Variants in TOP1 observed in about 807,000 individuals in gnomAD.
TOP1 encodes the protein DNA topoisomerase I, also known as DNA topoisomerase 1.
A neutral mutation model predicts 111.1 loss-of-function variants in TOP1; 10 were observed. That is an observed-to-expected ratio of 0.09 (90% CI 0.06 to 0.15). The LOEUF is 0.15. Among genes scored for constraint, TOP1 ranks in the 10% least tolerant of loss-of-function variants. The pLI is 1.00. For missense variants in TOP1, 474 were observed against 926.7 expected, an observed-to-expected ratio of 0.51 and a Z score of 6.34; for synonymous variants, 271 against 302.9, an observed-to-expected ratio of 0.89 and a Z score of 1.10.
intron 9 of TOP1, among the ~76,000 whole-genome samples, chr20:41,093,061 T>A (rs900070393): frequency 6.6e-6 from 1 of 152,230 alleles, no homozygotes; most frequent in Non-Finnish European, 1.5e-5. Context: ...GGTAGGCATC[T>A]GTCACCTATT....
At chr20:41,031,698 T>G (rs184115882) in intron 2 of TOP1, among the ~76,000 whole-genome samples, 31 of 152,366 alleles carry the variant, frequency 2.0e-4, no homozygotes, top group Non-Finnish European at 3.5e-4. Flanking sequence ...AACTGAGGCT[T>G]CAGTGTATTT....
rs2033937081 is a variant in TOP1 at position 41,092,909 on chromosome 20, A to C, written c.730+322A>C. 6.6e-6 allele frequency among the ~76,000 whole-genome samples: 1 copy of C among 151,794 alleles called. No individual in the cohort carries two copies. The highest frequency in any genetic ancestry group is 1.5e-5 in the Non-Finnish European group (1 of 68,036). ...TTTCTAGGGAGCAACTCTTCGCAAG[A>C]GTTATTAGAAAAGCCTCACTTGAAT... is the stretch of plus-strand genomic sequence containing the variant. On this transcript the variant is annotated intron_variant, in intron 9 of 20. Transcript: ENST00000361337. The surrounding 1 kb of genome is among the most constrained non-coding windows in gnomAD (Gnocchi z 4.3).
chr20:41,104,564 A>G (rs1484826741), intron 13 of TOP1, among the ~76,000 whole-genome samples: 3 of 152,222 alleles, frequency 2.0e-5, no homozygotes, highest in African/African-American at 7.2e-5. Flanking sequence ...TTTATTCCAG[A>G]CAATATCCAG....
intron 2 of TOP1, among the ~76,000 whole-genome samples, chr20:41,056,055 T>C (rs889811728): frequency 1.1e-4 from 17 of 152,234 alleles, no homozygotes; most frequent in Non-Finnish European, 1.5e-4. Context: ...CTTTTGCCAG[T>C]TGAATTTTGT....
chr20:41,089,020 C>CTTTTTTTTTTTTTTTTTTTTTTTT lies in TOP1; in HGVS notation c.615-3430_615-3429insTTTTTTTTTTTTTTTTTTTTTTTT, dbSNP rs59200685. ...TCCCCACTTCTCTGTTGCCCCAGTTCTTTTTTTTTTTTTTTTTTTTTTGAG... is the reference window on the plus strand; with the variant it reads ...TCCCCACTTCTCTGTTGCCCCAGTTCTTTTTTTTTTTTTTTTTTTTTTTTTTTTTTTTTTTTTTTTTTTTTTGAG... On this transcript the variant is annotated intron_variant, in intron 8 of 20. Transcript: ENST00000361337. Among the ~76,000 whole-genome samples the CTTTTTTTTTTTTTTTTTTTTTTTT allele has an allele frequency of 8.1e-4, 63 of 77,894 alleles. 17 individuals are homozygous for CTTTTTTTTTTTTTTTTTTTTTTTT. The highest frequency in any genetic ancestry group is 4.4e-3 in the East Asian group (7 of 1,606). 51.1% of individuals were successfully genotyped at this position (77,894 alleles called of 152,430 possible).
At chr20:41,064,952 T>C (rs557735232) in intron 3 of TOP1, among the ~76,000 whole-genome samples, 1 of 152,172 alleles carries the variant, frequency 6.6e-6, no homozygotes, top group East Asian at 1.9e-4. Flanking sequence ...TTGCCCAGGC[T>C]GGAGTGCAGT....
chr20:41,118,042 A>T lies in TOP1; in HGVS notation c.1823-127A>T. ...GACCTTAGTCCTTGGGGGCAATTTGAATTAATCATCTGAGTAAGATAAGAG... is the reference window on the plus strand; with the variant it reads ...GACCTTAGTCCTTGGGGGCAATTTGTATTAATCATCTGAGTAAGATAAGAG... On this transcript the variant is annotated intron_variant, in intron 17 of 20. Coordinates refer to ENST00000361337, the MANE Select transcript of TOP1 (RefSeq NM_003286.4). This position sits in a 1 kb window ranked among gnomAD's most constrained non-coding sequence, Gnocchi z 4.6. The T allele has an allele frequency of 9.4e-7, 1 of 1,065,200 alleles. No individual in the cohort carries two copies. Among genetic ancestry groups the T allele is most frequent in the East Asian group, 2.6e-5 (1 of 38,598 alleles). The allele number at this position is 1,065,200 out of a possible 1,614,324, so 66.0% of individuals were successfully genotyped here.
Position 41,076,255 on chromosome 20 carries a change from A to G in TOP1, c.240A>G (p.Lys80=), listed in dbSNP as rs953420719. 1.2e-6 allele frequency: 2 copies of G among 1,606,278 alleles called. No homozygotes were observed. Among genetic ancestry groups the G allele is most frequent in the Non-Finnish European group, 1.7e-6 (2 of 1,173,480 alleles). ...GAAGCTCAGAAAAGCATAAAGACAA[A>G]CATAAAGACAGAGACAAGGAAAAAC... is the stretch of plus-strand genomic sequence containing the variant. ...KDGSSEKHKD[K]HKDRDKEKRK... Residue 80 remains lysine (K), a synonymous_variant, in exon 4 of 21, where the codon AAA becomes AAG. Coordinates refer to ENST00000361337, the MANE Select transcript of TOP1 (RefSeq NM_003286.4).
At chr20:41,037,281 ATAACT>A (rs1257011775) in intron 2 of TOP1, among the ~76,000 whole-genome samples, 1 of 152,236 alleles carries the variant, frequency 6.6e-6, no homozygotes, top group African/African-American at 2.4e-5. Flanking sequence ...TCTATTAAAA[ATAACT>A]TGACCCTTTT....
intron 13 of TOP1, among the ~76,000 whole-genome samples, chr20:41,108,650 A>T (rs1291329755): frequency 6.6e-6 from 1 of 152,152 alleles, no homozygotes; most frequent in East Asian, 1.9e-4. Context: ...GATTACACAG[A>T]CATCTTGCAA....
In TOP1 at chr20:41,084,677, T is replaced by C. The variant is rs555042586; in HGVS notation, c.614+109T>C. ...TATCCTGATATTTGGGGGGAAATAC[T>C]TTAAACAATTTCTCTAGAGTAACTT... On this transcript the variant is annotated intron_variant, in intron 8 of 20. Coordinates refer to ENST00000361337, the MANE Select transcript of TOP1 (RefSeq NM_003286.4). 19 of 639,598 alleles carry C rather than the reference T, an allele frequency of 3.0e-5. No individual in the cohort carries two copies. The East Asian group carries it at 5.6e-4, about 19-fold the overall frequency. 39.6% of individuals were successfully genotyped at this position (639,598 alleles called of 1,614,324 possible). A position where few individuals can be genotyped will look rare whatever the true frequency, so the allele number is the denominator to read the frequency against.
rs1354668036 is a variant in TOP1 at position 41,116,225 on chromosome 20, G to A, written c.1708-53G>A. ...GCATAAATTACTCCTAGGGCTGCCAGAAGGAGCAGGTAGTATAGCTTTGAC... is the reference window on the plus strand; with the variant it reads ...GCATAAATTACTCCTAGGGCTGCCAAAAGGAGCAGGTAGTATAGCTTTGAC... On this transcript the variant is annotated intron_variant, in intron 16 of 20. Coordinates refer to ENST00000361337, the MANE Select transcript of TOP1 (RefSeq NM_003286.4). This position sits in a 1 kb window ranked among gnomAD's most constrained non-coding sequence, Gnocchi z 5.6. 4 of 1,214,120 alleles carry A rather than the reference G, an allele frequency of 3.3e-6. No homozygotes were observed. In the Admixed American group the frequency reaches 6.9e-5, roughly 21 times the overall value. 75.2% of individuals were successfully genotyped at this position (1,214,120 alleles called of 1,614,324 possible).
chr20:41,080,123 A>T lies in TOP1; in HGVS notation c.374A>T (p.Tyr125Phe). ...QIKDEPEDDG[Y>F]FVPPKEDIKP... Reference sequence around the variant, plus strand: ...AAAGATGAACCTGAAGATGATGGCTATTTTGTTCCTCCTAAAGAGGATATA... The same window carrying T: ...AAAGATGAACCTGAAGATGATGGCTTTTTTGTTCCTCCTAAAGAGGATATA... The change falls in exon 6 of 21, where the codon TAT becomes TTT. Residue 125 changes from tyrosine (Y) to phenylalanine (F), a missense_variant. Coordinates refer to ENST00000361337, the MANE Select transcript of TOP1 (RefSeq NM_003286.4). The surrounding 1 kb of genome is among the most constrained non-coding windows in gnomAD (Gnocchi z 5.0). 7 of 1,611,842 alleles carry T rather than the reference A, an allele frequency of 4.3e-6. No individual in the cohort carries two copies. Among genetic ancestry groups the T allele is most frequent in the Non-Finnish European group, 5.9e-6 (7 of 1,179,044 alleles).
At position 41,029,525 on chromosome 20, in the gene TOP1, G is replaced by A; in HGVS notation, c.58+70G>A. 3 of 1,271,706 alleles carry A rather than the reference G, an allele frequency of 2.4e-6. No homozygotes were observed. Among genetic ancestry groups the A allele is most frequent in the South Asian group, 1.2e-5 (1 of 80,096 alleles). The allele number at this position is 1,271,706 out of a possible 1,614,324, so 78.8% of individuals were successfully genotyped here. ...GCCGCCTCCCCCGCGCCCTGCCGGT[G>A]CCGGGCAGAGGACAGACATGGCGTC... On this transcript the variant is annotated intron_variant, in intron 2 of 20. Coordinates refer to ENST00000361337, the MANE Select transcript of TOP1 (RefSeq NM_003286.4). The surrounding 1 kb of genome is among the most constrained non-coding windows in gnomAD (Gnocchi z 6.1).
intron 2 of TOP1, among the ~76,000 whole-genome samples, chr20:41,049,733 G>A (rs1416771887): frequency 6.6e-6 from 1 of 152,200 alleles, no homozygotes; most frequent in Non-Finnish European, 1.5e-5. Flanking sequence ...CAACACTTAA[G>A]TGGCACTCAG....
At chr20:41,055,680 C>T (rs759840401) in intron 2 of TOP1, among the ~76,000 whole-genome samples, 17 of 152,222 alleles carry the variant, frequency 1.1e-4, no homozygotes, top group Non-Finnish European at 1.8e-4. Context: ...CTTTATTACA[C>T]TGCATTTATT....
rs774755973 is a variant in TOP1 at position 41,034,537 on chromosome 20, C to T, written c.58+5082C>T. 3.3e-5 allele frequency among the ~76,000 whole-genome samples: 5 copies of T among 151,924 alleles called. No individual in the cohort carries two copies. The highest frequency in any genetic ancestry group is 1.3e-4 in the Admixed American group (2 of 15,260). Reference sequence around the variant, plus strand: ...GTGGACAAAGTTTGATTGGGGGTTGCGGGGAAGCTTGTAGAGGAATGTCTG... The same window carrying T: ...GTGGACAAAGTTTGATTGGGGGTTGTGGGGAAGCTTGTAGAGGAATGTCTG... On this transcript the variant is annotated intron_variant, in intron 2 of 20. Coordinates refer to ENST00000361337, the MANE Select transcript of TOP1 (RefSeq NM_003286.4). The surrounding 1 kb of genome is among the most constrained non-coding windows in gnomAD (Gnocchi z 4.0).
rs113579720 is a variant in TOP1 at position 41,058,235 on chromosome 20, G to A, written c.59-3159G>A. On this transcript the variant is annotated intron_variant, in intron 2 of 20. Transcript: ENST00000361337. This position sits in a 1 kb window ranked among gnomAD's most constrained non-coding sequence, Gnocchi z 4.2. ...TTTTGCTGTGAGCCAGTCATGGGAT[G>A]AAGACACATTGCCTATGCATTATTA... Among the ~76,000 whole-genome samples the A allele has an allele frequency of 7.2e-5, 11 of 152,350 alleles. No homozygotes were observed. Among genetic ancestry groups the A allele is most frequent in the African/African-American group, 1.7e-4 (7 of 41,580 alleles).
intron 8 of TOP1, among the ~76,000 whole-genome samples, chr20:41,091,552 C>CTTTT (rs532948716): frequency 0.011 from 1,095 of 96,176 alleles, 15 homozygotes; most frequent in East Asian, 0.069. Flanking sequence ...AATTATTAAC[C>CTTTT]TTTTTTTTTT....
Sources: gnomAD v4.1 joint callset for allele counts (sites outside exome capture counted in the v4.1 genomes callset) on GRCh38, gnomAD v4.1.1 for gene constraint, Gnocchi (gnomAD v3.1) non-coding constraint, MANE v1.5 for transcripts, NCBI Gene and HGNC (gene_info 2026-07-23, HGNC 2026-07-21) for gene names.